Variants in GALNT13 observed in about 807,000 individuals in gnomAD.
The protein encoded by GALNT13 is UDP-GalNAc:polypeptide N-acetylgalactosaminyltransferase 13.
In GALNT13, 28 loss-of-function variants were observed where a neutral mutation model predicts 64.2. The observed-to-expected ratio is 0.44, with a 90% confidence interval of 0.32 to 0.60. GALNT13 has a LOEUF of 0.60. Ranked by LOEUF, GALNT13 falls within the 20% of genes least tolerant of loss-of-function variation. The probability of loss-of-function intolerance (pLI) is 0.05; values close to 1 mark genes in which losing one functional copy is unlikely to be tolerated. For missense variants in GALNT13, 577 were observed against 669.8 expected (o/e 0.86, Z 1.53); for synonymous variants, 214 against 224.6 (o/e 0.95, Z 0.42).
intron 9 of GALNT13, among the ~76,000 whole-genome samples, chr2:154,372,742 A>T (rs1697768393): frequency 6.6e-6 from 1 of 152,082 alleles, no homozygotes; most frequent in African/African-American, 2.4e-5. Flanking sequence ...TTGGGTAGTG[A>T]AATTGTCTGT....
At chr2:153,664,421 C>T in the GALNT13 span, among the ~76,000 whole-genome samples, 2 of 152,196 alleles carry the variant, frequency 1.3e-5, no homozygotes, top group African/African-American at 4.8e-5. Context: ...CTGAAAATCG[C>T]TGTTATCCTG....
At chr2:154,059,172 A>G (rs1294206189) in intron 3 of GALNT13, among the ~76,000 whole-genome samples, 1 of 152,236 alleles carries the variant, frequency 6.6e-6, no homozygotes, top group African/African-American at 2.4e-5. Flanking sequence ...ATGAAGGAAA[A>G]TATTTGTCTC....
At chr2:153,827,371 C>A in the GALNT13 span, among the ~76,000 whole-genome samples, 1 of 152,134 alleles carries the variant, frequency 6.6e-6, no homozygotes, top group African/African-American at 2.4e-5. Context: ...TGCCTGTAAT[C>A]CCAGCACTTC....
At chr2:154,352,348 C>T (rs1696461562) in intron 9 of GALNT13, among the ~76,000 whole-genome samples, 1 of 152,160 alleles carries the variant, frequency 6.6e-6, no homozygotes. Flanking sequence ...AGACTGGTTT[C>T]CCCCAAACTT....
In GALNT13 at chr2:154,450,596, T is replaced by A. The variant is rs768083748; in HGVS notation, c.*45T>A. The A allele has an allele frequency of 5.8e-5, 86 of 1,483,870 alleles. No homozygotes were observed. The highest frequency in any genetic ancestry group is 7.6e-5 in the Non-Finnish European group (84 of 1,112,156). The allele number at this position is 1,483,870 out of a possible 1,614,324, so 91.9% of individuals were successfully genotyped here. On this transcript the variant is annotated 3_prime_UTR_variant, in exon 13 of 13. Transcript: ENST00000392825. ...ATGAAAGTGTCTACGCTTTTGTTTT[T>A]CCATTATTTCAATTGGGGGAAAATA... is the stretch of plus-strand genomic sequence containing the variant.
At chr2:154,046,042 T>A (rs1413977892) in intron 3 of GALNT13, among the ~76,000 whole-genome samples, 2 of 152,110 alleles carry the variant, frequency 1.3e-5, no homozygotes, top group Non-Finnish European at 2.9e-5. Context: ...ATGTCGTGGC[T>A]CATGCCTGTA....
At chr2:154,432,075 A>G (rs561472299) in intron 11 of GALNT13, among the ~76,000 whole-genome samples, 1 of 152,222 alleles carries the variant, frequency 6.6e-6, no homozygotes, top group Non-Finnish European at 1.5e-5. Flanking sequence ...ATGTAGTATC[A>G]TCCATTATAG....
At chr2:153,508,986 GT>G in the GALNT13 span, among the ~76,000 whole-genome samples, 1 of 152,228 alleles carries the variant, frequency 6.6e-6, no homozygotes, top group South Asian at 2.1e-4. Flanking sequence ...AGACAAAGAA[GT>G]TGTCCTTCCC....
chr2:154,222,689 T>C (rs982900658), intron 4 of GALNT13, among the ~76,000 whole-genome samples: 6 of 152,120 alleles, frequency 3.9e-5, no homozygotes, highest in African/African-American at 1.4e-4. Flanking sequence ...GCACAGCCTC[T>C]AGCTATTTAT....
the GALNT13 span, chr2:153,449,600 T>G: frequency 2.6e-5 from 4 of 152,688 alleles, no homozygotes; most frequent in African/African-American, 9.6e-5. Context: ...TGTCTTAGTC[T>G]GTTTTGTGTT....
intron 11 of GALNT13, among the ~76,000 whole-genome samples, chr2:154,431,866 C>T (rs538005002): frequency 6.6e-6 from 1 of 152,274 alleles, no homozygotes; most frequent in African/African-American, 2.4e-5. Flanking sequence ...GTGGGATGTG[C>T]CTTTGCTCCT....
intron 11 of GALNT13, among the ~76,000 whole-genome samples, chr2:154,420,947 T>A (rs1700222099): frequency 6.6e-6 from 1 of 152,166 alleles, no homozygotes; most frequent in African/African-American, 2.4e-5. Context: ...TGCAATTCCA[T>A]CCTAGTTATT....
At chr2:153,350,614 T>A in the GALNT13 span, among the ~76,000 whole-genome samples, 1 of 151,914 alleles carries the variant, frequency 6.6e-6, no homozygotes, top group African/African-American at 2.4e-5. Flanking sequence ...AACTCCTGAC[T>A]TCAGGTGATC....
At chr2:153,202,025 C>G in the GALNT13 span, among the ~76,000 whole-genome samples, 1 of 144,490 alleles carries the variant, frequency 6.9e-6, no homozygotes, top group Admixed American at 7.0e-5. Flanking sequence ...TCGCCCAGGC[C>G]GGACTGCGGA....
At chr2:154,439,214 T>G (rs146815799) in intron 12 of GALNT13, among the ~76,000 whole-genome samples, 1 of 152,256 alleles carries the variant, frequency 6.6e-6, no homozygotes, top group African/African-American at 2.4e-5. Context: ...GTAAACTAAT[T>G]AGTCACATAA....
intron 3 of GALNT13, among the ~76,000 whole-genome samples, chr2:154,087,986 G>A (rs1519208): frequency 0.55 from 83,875 of 151,900 alleles, 24,372 homozygotes; most frequent in East Asian, 0.85. Flanking sequence ...TTTAAATAAT[G>A]GAATTTGTTA....
chr2:154,191,820 G>A (rs1686594995), intron 4 of GALNT13, among the ~76,000 whole-genome samples: 1 of 152,144 alleles, frequency 6.6e-6, no homozygotes, highest in Non-Finnish European at 1.5e-5. Context: ...CCCAGTGGGC[G>A]TGTGTTACCA....
At chr2:154,256,253 T>TA (rs66481218) in intron 7 of GALNT13, among the ~76,000 whole-genome samples, 22,315 of 147,184 alleles carry the variant, frequency 0.15, 1,652 homozygotes, top group South Asian at 0.19. Context: ...CACCAAAATT[T>TA]AAAAAAAAAA....
At chr2:153,342,625 A>C in the GALNT13 span, among the ~76,000 whole-genome samples, 1 of 152,222 alleles carries the variant, frequency 6.6e-6, no homozygotes, top group Non-Finnish European at 1.5e-5. Flanking sequence ...AGTCAGACTC[A>C]TTACAGGTGG....
Sources: allele counts gnomAD v4.1 joint callset (sites outside exome capture counted in the v4.1 genomes callset), GRCh38; gene constraint gnomAD v4.1.1; transcripts MANE v1.5; gene names NCBI Gene and HGNC (gene_info 2026-07-23, HGNC 2026-07-21).